Variants in PTPRT observed in about 807,000 individuals in gnomAD.
PTPRT encodes the protein receptor-type tyrosine-protein phosphatase T.
PTPRT carries 56 observed loss-of-function variants against 176.8 expected under a neutral mutation model. That is an observed-to-expected ratio of 0.32 (90% CI 0.26 to 0.40). The LOEUF (loss-of-function observed/expected upper bound fraction) is 0.40, where lower values mean the gene tolerates loss of function less well. PTPRT is among the 10% of genes least tolerant of loss of function. PTPRT has a pLI of 1.00. For synonymous variants in PTPRT, 783 were observed against 739.0 expected (o/e 1.06, Z -0.96); for missense variants, 1,540 against 1,908.2 (o/e 0.81, Z 3.60).
intron 9 of PTPRT, among the ~76,000 whole-genome samples, chr20:42,418,722 G>A (rs1427857749): frequency 6.6e-6 from 1 of 152,136 alleles, no homozygotes; most frequent in Non-Finnish European, 1.5e-5. Flanking sequence ...GAGAGGGGTA[G>A]GGTATTCAGC....
intron 9 of PTPRT, among the ~76,000 whole-genome samples, chr20:42,378,731 A>G (rs900989275): frequency 2.0e-5 from 3 of 152,204 alleles, no homozygotes; most frequent in Non-Finnish European, 2.9e-5. Context: ...TCCTCCAGTT[A>G]CCAGTTTTAT....
chr20:42,704,461 C>T (rs1245666984), intron 6 of PTPRT, among the ~76,000 whole-genome samples: 1 of 151,930 alleles, frequency 6.6e-6, no homozygotes, highest in African/African-American at 2.4e-5. Flanking sequence ...CACTTCCTTT[C>T]CTGATACAGA....
At chr20:43,003,116 A>G (rs1046882505) in intron 1 of PTPRT, among the ~76,000 whole-genome samples, 1 of 152,130 alleles carries the variant, frequency 6.6e-6, no homozygotes, top group African/African-American at 2.4e-5. Flanking sequence ...AAATTATAAT[A>G]TATATATCTT....
intron 1 of PTPRT, among the ~76,000 whole-genome samples, chr20:43,034,921 C>G (rs1008437104): frequency 1.3e-5 from 2 of 151,586 alleles, no homozygotes; most frequent in African/African-American, 4.9e-5. Context: ...CCCACCCCCA[C>G]CTTTTCCTCA....
At chr20:42,888,726 T>C (rs2079143637) in intron 1 of PTPRT, among the ~76,000 whole-genome samples, 1 of 152,190 alleles carries the variant, frequency 6.6e-6, no homozygotes, top group Non-Finnish European at 1.5e-5. Context: ...TCCATTCAAA[T>C]CCATTCCTTC....
chr20:43,157,210 A>G (rs2014548139), intron 1 of PTPRT, among the ~76,000 whole-genome samples: 1 of 151,550 alleles, frequency 6.6e-6, no homozygotes, highest in South Asian at 2.1e-4. Context: ...AAAAAAAAAA[A>G]ATAGCCAGGC....
chr20:42,250,418 A>G (rs2056531261), intron 13 of PTPRT, among the ~76,000 whole-genome samples: 1 of 152,214 alleles, frequency 6.6e-6, no homozygotes, highest in African/African-American at 2.4e-5. Context: ...AGTTGAAGGA[A>G]TGCTACTACC....
intron 6 of PTPRT, among the ~76,000 whole-genome samples, chr20:42,710,934 T>G (rs892982360): frequency 6.6e-6 from 1 of 152,124 alleles, no homozygotes; most frequent in Admixed American, 6.5e-5. Context: ...GGACATAGAG[T>G]CAAAGGAGGT....
intron 1 of PTPRT, among the ~76,000 whole-genome samples, chr20:42,979,409 C>T (rs1483961267): frequency 6.6e-6 from 1 of 152,152 alleles, no homozygotes. Flanking sequence ...TATCCTTTCT[C>T]ATCATTTGTT....
At chr20:43,076,427 AC>A (rs1042854989) in intron 1 of PTPRT, among the ~76,000 whole-genome samples, 2 of 106,438 alleles carry the variant, frequency 1.9e-5, no homozygotes, top group Non-Finnish European at 4.1e-5. Context: ...GCCAAATGAA[AC>A]CAAAAAAAAA....
chr20:42,354,179 G>A (rs537452693), intron 9 of PTPRT, among the ~76,000 whole-genome samples: 11 of 152,206 alleles, frequency 7.2e-5, no homozygotes, highest in Admixed American at 2.0e-4. Flanking sequence ...GGCCCAAAAC[G>A]TTTTCCTCAC....
intron 7 of PTPRT, among the ~76,000 whole-genome samples, chr20:42,641,866 C>T (rs1284313677): frequency 2.0e-5 from 3 of 152,150 alleles, no homozygotes; most frequent in African/African-American, 7.2e-5. Context: ...GTCCCAGTTT[C>T]CAGTCCCAGC....
chr20:42,755,210 C>T (rs1365823682), intron 6 of PTPRT, among the ~76,000 whole-genome samples: 2 of 152,180 alleles, frequency 1.3e-5, no homozygotes, highest in South Asian at 2.1e-4. Context: ...ATGTGAATGT[C>T]TGTATGAAGT....
At chr20:42,540,049 C>T (rs1027208515) in intron 7 of PTPRT, among the ~76,000 whole-genome samples, 2 of 152,068 alleles carry the variant, frequency 1.3e-5, no homozygotes, top group Non-Finnish European at 2.9e-5. Context: ...TGAAACAGCC[C>T]ACCATGTGCT....
chr20:42,217,376 T>TACACACACACACAC lies in PTPRT; in HGVS notation c.2343-18002_2343-17989dup, dbSNP rs71335847. On this transcript the variant is annotated intron_variant, in intron 15 of 30. Transcript: ENST00000373187. ...GGGGATAGAGTGAGACTCTCAAACA[T>TACACACACACACAC]ACACACACACACACACACACACACA... is the stretch of plus-strand genomic sequence containing the variant. 4.8e-5 allele frequency among the ~76,000 whole-genome samples: 5 copies of TACACACACACACAC among 104,326 alleles called. No homozygotes were observed. In the East Asian group the frequency reaches 1.1e-3, roughly 23 times the overall value. 68.4% of individuals were successfully genotyped at this position (104,326 alleles called of 152,430 possible).
intron 1 of PTPRT, among the ~76,000 whole-genome samples, chr20:43,153,478 T>C (rs1354485022): frequency 1.3e-5 from 2 of 152,226 alleles, no homozygotes; most frequent in African/African-American, 4.8e-5. Flanking sequence ...ACTAAAATGG[T>C]ATGTAAGTGA....
chr20:43,018,751 G>A (rs748771978), intron 1 of PTPRT, among the ~76,000 whole-genome samples: 4 of 152,102 alleles, frequency 2.6e-5, no homozygotes, highest in African/African-American at 7.2e-5. Context: ...GAAAAACAAC[G>A]CAAACAAAAC....
chr20:42,448,240 C>T lies in PTPRT; in HGVS notation c.1540G>A (p.Gly514Arg). ...IQWKPPNETN[G>R]VITLYEINYK... ...CTTACCTCGTAGAGCGTGATGACCCCATTGGTCTCATTGGGAGGTTTCCAC... is the reference window on the plus strand; with the variant it reads ...CTTACCTCGTAGAGCGTGATGACCCTATTGGTCTCATTGGGAGGTTTCCAC... The change falls in exon 9 of 31, where the codon GGG becomes AGG. Residue 514 changes from glycine to arginine, a missense_variant. This residue lies in a region of PTPRT where 136 missense variants were observed against 135.0 expected (regional missense o/e 1.01). Coordinates refer to ENST00000373187, the MANE Select transcript of PTPRT (RefSeq NM_007050.6). The T allele has an allele frequency of 6.2e-7, 1 of 1,612,630 alleles. No homozygotes were observed. Among genetic ancestry groups the T allele is most frequent in the Non-Finnish European group, 8.5e-7 (1 of 1,178,686 alleles).
intron 6 of PTPRT, chr20:42,688,618 T>A (rs1024437535): frequency 6.6e-6 from 1 of 152,226 alleles, no homozygotes; most frequent in African/African-American, 2.4e-5. Flanking sequence ...ATAGGTATTA[T>A]AATTATCTTT....
Sources: allele counts gnomAD v4.1 joint callset (sites outside exome capture counted in the v4.1 genomes callset), GRCh38; gene constraint gnomAD v4.1.1; regional missense constraint gnomAD v4.1.1; transcripts MANE v1.5; gene names NCBI Gene and HGNC (gene_info 2026-07-23, HGNC 2026-07-21).